IQCJ: variants seen among roughly 807,000 people sequenced by gnomAD.
IQCJ encodes IQ domain-containing protein J.
In IQCJ, 9 loss-of-function variants were observed where a neutral mutation model predicts 11.0. The observed-to-expected ratio is 0.82, with a 90% CI of 0.49 to 1.43. The LOEUF (loss-of-function observed/expected upper bound fraction) is 1.43. Among genes scored for constraint, IQCJ ranks in the 40% most tolerant of loss-of-function variants. IQCJ has a pLI of 0.00. For missense variants in IQCJ, 146 were observed against 133.2 expected, an observed-to-expected ratio of 1.10 and a Z score of -0.47; for synonymous variants, 55 against 51.3, an observed-to-expected ratio of 1.07 and a Z score of -0.31.
chr3:159,248,199 A>G (rs905569903), intron 2 of IQCJ, among the ~76,000 whole-genome samples: 8 of 152,178 alleles, frequency 5.3e-5, no homozygotes, highest in Non-Finnish European at 1.0e-4. Flanking sequence ...GAGACAGCCC[A>G]TAATAGCCTG....
intron 1 of IQCJ, among the ~76,000 whole-genome samples, chr3:159,234,361 A>C (rs1171671092): frequency 6.6e-6 from 1 of 152,248 alleles, no homozygotes; most frequent in Non-Finnish European, 1.5e-5. Context: ...AAATACTAAA[A>C]TATATAAAAT....
chr3:159,255,532 G>C (rs1727848820), intron 3 of IQCJ, among the ~76,000 whole-genome samples: 1 of 152,186 alleles, frequency 6.6e-6, no homozygotes, highest in South Asian at 2.1e-4. Flanking sequence ...TTATAAGAAA[G>C]TGTAAACCTG....
In IQCJ at chr3:159,260,023, A is replaced by T. The variant is rs184193491; in HGVS notation, c.156-2525A>T. ...CACAGATGTTTTAAATACATATTTT[A>T]AAAGTACTTAATATTGTCACCTTAT... is the stretch of plus-strand genomic sequence containing the variant. On this transcript the variant is annotated intron_variant, in intron 3 of 3. Transcript: ENST00000397832. Among the ~76,000 whole-genome samples, 15 of 152,372 alleles carry T rather than the reference A, an allele frequency of 9.8e-5. No individual in the cohort carries two copies. The East Asian group carries it at 2.9e-3, about 29-fold the overall frequency.
intron 3 of IQCJ, among the ~76,000 whole-genome samples, chr3:159,262,225 T>A (rs2621308): frequency 6.6e-6 from 1 of 152,122 alleles, no homozygotes; most frequent in African/African-American, 2.4e-5. Context: ...AAAGAATTTG[T>A]TGTCTCATAA....
downstream of IQCJ, chr3:159,263,864 T>G: frequency 1.0e-6 from 1 of 962,466 alleles, no homozygotes; most frequent in African/African-American, 1.8e-5. Flanking sequence ...ATTTAGTGAA[T>G]CTTCACTTTT....
chr3:159,196,758 C>A (rs1319290626), intron 1 of IQCJ, among the ~76,000 whole-genome samples: 1 of 152,148 alleles, frequency 6.6e-6, no homozygotes, highest in East Asian at 1.9e-4. Flanking sequence ...TCAGAGAAAT[C>A]AAGGCACTGA....
intron 1 of IQCJ, among the ~76,000 whole-genome samples, chr3:159,153,061 A>G (rs913625063): frequency 2.0e-5 from 3 of 152,234 alleles, no homozygotes; most frequent in African/African-American, 4.8e-5. Flanking sequence ...ATAATGTTTA[A>G]GGGTCAGAGA....
chr3:159,087,993 T>G (rs932980428), intron 1 of IQCJ, among the ~76,000 whole-genome samples: 5 of 151,704 alleles, frequency 3.3e-5, no homozygotes, highest in Admixed American at 3.3e-4. Context: ...CTTTTCTAGT[T>G]CTTTTAATTG....
intron 1 of IQCJ, among the ~76,000 whole-genome samples, chr3:159,154,921 C>T (rs906051722): frequency 2.6e-5 from 4 of 152,046 alleles, no homozygotes; most frequent in Non-Finnish European, 4.4e-5. Flanking sequence ...CTCCCCTTTA[C>T]TCCCTGTCTT....
Position 159,262,556 on chromosome 3 carries a change from G to C in IQCJ, c.164G>C (p.Arg55Pro), listed in dbSNP as rs1186246085. 2.5e-6 allele frequency: 4 copies of C among 1,612,812 alleles called. No individual in the cohort carries two copies. The highest frequency in any genetic ancestry group is 3.4e-6 in the Non-Finnish European group (4 of 1,179,330). The change falls in exon 4 of 4, where the codon CGA becomes CCA. Residue 55 changes from arginine to proline, a missense_variant. Transcript: ENST00000397832. ...TTGTTTTGTTTTTTCAGCATTCAGCGAGCATGGCGAGAGTACCTGCAGCGG... is the reference window on the plus strand; with the variant it reads ...TTGTTTTGTTTTTTCAGCATTCAGCCAGCATGGCGAGAGTACCTGCAGCGG... Reference protein sequence around the residue: ...PLESKVKIIQRAWREYLQRQE... With the variant: ...PLESKVKIIQPAWREYLQRQE...
At chr3:159,184,992 T>C (rs55782497) in intron 1 of IQCJ, among the ~76,000 whole-genome samples, 7,296 of 152,258 alleles carry the variant, frequency 0.048, 577 homozygotes, top group African/African-American at 0.17. Flanking sequence ...GTTTCCACTT[T>C]AGCTGCTGGT....
At chr3:159,089,380 A>G (rs1392928759) in intron 1 of IQCJ, among the ~76,000 whole-genome samples, 1 of 152,054 alleles carries the variant, frequency 6.6e-6, no homozygotes, top group Non-Finnish European at 1.5e-5. Context: ...ACTTTGGTGA[A>G]TCTGACAATT....
intron 1 of IQCJ, among the ~76,000 whole-genome samples, chr3:159,218,179 T>C (rs936397051): frequency 6.6e-6 from 1 of 152,042 alleles, no homozygotes; most frequent in Non-Finnish European, 1.5e-5. Flanking sequence ...TGTGATGAAA[T>C]GAAGTTTTTA....
At chr3:159,157,616 T>A (rs1443983544) in intron 1 of IQCJ, among the ~76,000 whole-genome samples, 1 of 152,206 alleles carries the variant, frequency 6.6e-6, no homozygotes, top group Non-Finnish European at 1.5e-5. Context: ...TAGGTATAGA[T>A]ACAGATATAG....
At chr3:159,232,593 G>T (rs1389912747) in intron 1 of IQCJ, among the ~76,000 whole-genome samples, 1 of 150,344 alleles carries the variant, frequency 6.7e-6, no homozygotes, top group Non-Finnish European at 1.5e-5. Context: ...GAGACAGTTT[G>T]TTATGACTTC....
intron 1 of IQCJ, among the ~76,000 whole-genome samples, chr3:159,151,514 G>A (rs550971660): frequency 6.6e-6 from 1 of 152,318 alleles, no homozygotes; most frequent in South Asian, 2.1e-4. Context: ...CCTGTCCTCT[G>A]TGGAGCTGCC....
chr3:159,222,700 TA>T (rs1180626774), intron 1 of IQCJ, among the ~76,000 whole-genome samples: 1 of 152,026 alleles, frequency 6.6e-6, no homozygotes, highest in African/African-American at 2.4e-5. Context: ...TGCCTAAAAA[TA>T]AAAAAGCAAA....
chr3:159,190,964 A>G (rs937174594), intron 1 of IQCJ, among the ~76,000 whole-genome samples: 43 of 152,256 alleles, frequency 2.8e-4, no homozygotes, highest in African/African-American at 1.0e-3. Context: ...CACAATAAAT[A>G]TCTATTTTTA....
rs116001905 is a variant in IQCJ at position 159,167,963 on chromosome 3, C to T, written c.10-77880C>T. On this transcript the variant is annotated intron_variant, in intron 1 of 3. Coordinates refer to ENST00000397832, the MANE Select transcript of IQCJ (RefSeq NM_001042706.3). Reference sequence around the variant, plus strand: ...AAGTTTTGCACCACCTAGATGGGCCCGCAGAGGCAGGGAAGGTAAGGAAGA... The same window carrying T: ...AAGTTTTGCACCACCTAGATGGGCCTGCAGAGGCAGGGAAGGTAAGGAAGA... Among the ~76,000 whole-genome samples, 563 of 152,194 alleles carry T rather than the reference C, an allele frequency of 3.7e-3. 3 individuals are homozygous for T. The highest frequency in any genetic ancestry group is 0.013 in the African/African-American group (536 of 41,510).
Sources: gnomAD v4.1 joint callset for allele counts (sites outside exome capture counted in the v4.1 genomes callset) on GRCh38, gnomAD v4.1.1 for gene constraint, MANE v1.5 for transcripts, NCBI Gene and HGNC (gene_info 2026-07-23, HGNC 2026-07-21) for gene names.